The following NCMAP variants were observed in gnomAD, a reference collection of about 807,000 sequenced individuals.
NCMAP encodes non-compact myelin associated protein, also known as noncompact myelin-associated protein.
In NCMAP, 8 loss-of-function variants were observed where a neutral mutation model predicts 7.8. That is an observed-to-expected ratio of 1.02 (90% CI 0.60 to 1.84). NCMAP has a LOEUF of 1.84. Ranked by LOEUF, NCMAP falls within the 40% of genes most tolerant of loss-of-function variation. NCMAP has a pLI of 0.00. For missense variants in NCMAP, 112 were observed against 131.4 expected, an observed-to-expected ratio of 0.85 and a Z score of 0.72; for synonymous variants, 41 against 52.9, an observed-to-expected ratio of 0.78 and a Z score of 0.98.
chr1:24,569,803 T>C (rs939600583), intron 1 of NCMAP, among the ~76,000 whole-genome samples: 2 of 150,938 alleles, frequency 1.3e-5, no homozygotes, highest in South Asian at 2.1e-4. Context: ...TGGCACACAG[T>C]AAGTGCTCAT....
At chr1:24,585,052 T>C (rs1375173226) in intron 1 of NCMAP, among the ~76,000 whole-genome samples, 1 of 152,106 alleles carries the variant, frequency 6.6e-6, no homozygotes, top group Non-Finnish European at 1.5e-5. Flanking sequence ...TGTGCTCCCT[T>C]ATTTCTGGGA....
rs545062513 is a variant in NCMAP at position 24,597,124 on chromosome 1, G to A, written c.82+1612G>A. Among the ~76,000 whole-genome samples the A allele has an allele frequency of 4.9e-4, 74 of 152,306 alleles. 2 individuals are homozygous for A. In the South Asian group the frequency reaches 0.01, roughly 21 times the overall value. ...CAGACCTACAGAGGCCTGAGGAGGT[G>A]TGTCTCCAAACAGTCCTGAGGGAAA... On this transcript the variant is annotated intron_variant, in intron 2 of 3. Transcript: ENST00000374392.
chr1:24,597,521 G>C (rs1218646122), intron 2 of NCMAP, among the ~76,000 whole-genome samples: 1 of 27,386 alleles, frequency 3.7e-5, no homozygotes, highest in Non-Finnish European at 8.3e-5. Flanking sequence ...GAGAAGGAAG[G>C]GGGGGGGGGA....
At chr1:24,568,659 C>T (rs1223892118) in intron 1 of NCMAP, among the ~76,000 whole-genome samples, 1 of 152,210 alleles carries the variant, frequency 6.6e-6, no homozygotes, top group Non-Finnish European at 1.5e-5. Context: ...GATGAAGGCA[C>T]AGAGAGGTTA....
chr1:24,580,039 G>A (rs1468662327), intron 1 of NCMAP, among the ~76,000 whole-genome samples: 1 of 152,188 alleles, frequency 6.6e-6, no homozygotes, highest in Non-Finnish European at 1.5e-5. Flanking sequence ...CCTGAGTGGA[G>A]CTGAGATTCT....
At chr1:24,601,805 C>T (rs1311810591) in intron 3 of NCMAP, among the ~76,000 whole-genome samples, 1 of 152,056 alleles carries the variant, frequency 6.6e-6, no homozygotes, top group African/African-American at 2.4e-5. Context: ...CTTTGGGAGG[C>T]CAAGATGGGC....
intron 1 of NCMAP, among the ~76,000 whole-genome samples, chr1:24,589,269 C>T (rs923442023): frequency 6.6e-6 from 1 of 152,108 alleles, no homozygotes; most frequent in Non-Finnish European, 1.5e-5. Flanking sequence ...TTTCTATGGT[C>T]ATGGCCCCTG....
At chr1:24,591,799 G>A (rs2148934407) in intron 1 of NCMAP, among the ~76,000 whole-genome samples, 1 of 152,314 alleles carries the variant, frequency 6.6e-6, no homozygotes, top group East Asian at 1.9e-4. Flanking sequence ...GGGTTAGGCA[G>A]GGCCCCGGAT....
intron 2 of NCMAP, among the ~76,000 whole-genome samples, chr1:24,597,575 A>G (rs1008893140): frequency 8.5e-6 from 1 of 117,082 alleles, no homozygotes; most frequent in Non-Finnish European, 1.8e-5. Flanking sequence ...GTTCTCCTGT[A>G]AAAACAAAAG....
chr1:24,600,323 A>T (rs904334779), intron 2 of NCMAP, among the ~76,000 whole-genome samples: 7 of 146,516 alleles, frequency 4.8e-5, no homozygotes, highest in African/African-American at 1.5e-4. Flanking sequence ...GCTAATTTTT[A>T]ATTTTTTATT....
At chr1:24,575,301 T>A (rs1557595835) in intron 1 of NCMAP, among the ~76,000 whole-genome samples, 1 of 152,012 alleles carries the variant, frequency 6.6e-6, no homozygotes, top group Non-Finnish European at 1.5e-5. Context: ...TTCCCTCGGG[T>A]TGGAAAAAAA....
intron 1 of NCMAP, among the ~76,000 whole-genome samples, chr1:24,563,396 C>T (rs1651113218): frequency 6.6e-6 from 1 of 152,144 alleles, no homozygotes; most frequent in South Asian, 2.1e-4. Context: ...TGGTGCATGC[C>T]TGTAATCCCA....
chr1:24,560,296 C>A (rs1651015335), intron 1 of NCMAP, among the ~76,000 whole-genome samples: 1 of 152,132 alleles, frequency 6.6e-6, no homozygotes, highest in African/African-American at 2.4e-5. Flanking sequence ...TTGGTTCATT[C>A]ATTTGTTCAT....
At position 24,599,391 on chromosome 1, in the gene NCMAP, C is replaced by G. The variant is rs79068920; in HGVS notation, c.83-1549C>G. 2.9e-3 allele frequency among the ~76,000 whole-genome samples: 441 copies of G among 151,640 alleles called. 16 individuals are homozygous for G. In the East Asian group the frequency reaches 0.054, roughly 18 times the overall value. ...ACATTAAACTACAAGGACATCATCA[C>G]AGCCTTGTTTTTAATAGTGAAAAAC... On this transcript the variant is annotated intron_variant, in intron 2 of 3. Transcript: ENST00000374392.
chr1:24,564,513 C>CAAAAAAA lies in NCMAP; in HGVS notation c.-8+8357_-8+8363dup, dbSNP rs1184189345. ...TGGGCAACAGAGTGAGATTCTGTCT[C>CAAAAAAA]AAAAAAAAAAAAAAAAAAACAAAAA... On this transcript the variant is annotated intron_variant, in intron 1 of 3. Coordinates refer to ENST00000374392, the MANE Select transcript of NCMAP (RefSeq NM_001010980.5). 7.4e-4 allele frequency among the ~76,000 whole-genome samples: 37 copies of CAAAAAAA among 50,016 alleles called. 3 individuals carry two copies. Among genetic ancestry groups the CAAAAAAA allele is most frequent in the East Asian group, 3.7e-3 (7 of 1,894 alleles). 32.8% of individuals were successfully genotyped at this position (50,016 alleles called of 152,430 possible).
At chr1:24,574,514 C>T (rs1253227979) in intron 1 of NCMAP, among the ~76,000 whole-genome samples, 1 of 152,184 alleles carries the variant, frequency 6.6e-6, no homozygotes, top group Non-Finnish European at 1.5e-5. Flanking sequence ...CTTCAGCTTG[C>T]AGATAGCCTG....
chr1:24,569,183 G>A (rs957611164), intron 1 of NCMAP, among the ~76,000 whole-genome samples: 4 of 151,880 alleles, frequency 2.6e-5, no homozygotes, highest in East Asian at 1.9e-4. Flanking sequence ...TAGTAGAGAC[G>A]GGGTTTCACC....
At chr1:24,569,239 C>A (rs1377228205) in intron 1 of NCMAP, among the ~76,000 whole-genome samples, 1 of 152,078 alleles carries the variant, frequency 6.6e-6, no homozygotes, top group Non-Finnish European at 1.5e-5. Flanking sequence ...GGTGACCCAC[C>A]TGCCTCAGCC....
rs10699965 is a variant in NCMAP, at chr1:24,602,040, CAA to C, written c.167+1029_167+1030del. On this transcript the variant is annotated intron_variant, in intron 3 of 3. Coordinates refer to ENST00000374392, the MANE Select transcript of NCMAP (RefSeq NM_001010980.5). ...TGGGTGACGGAGCGAAACTCCGTCT[CAA>C]AAAAAAAAAAAATCATATATATATG... is the stretch of plus-strand genomic sequence containing the variant. 6.0e-4 allele frequency among the ~76,000 whole-genome samples: 81 copies of C among 133,928 alleles called. 1 individual carries two copies. In the South Asian group the frequency reaches 6.3e-3, roughly 10 times the overall value. The allele number at this position is 133,928 out of a possible 152,430, so 87.9% of individuals were successfully genotyped here. A position where few individuals can be genotyped will look rare whatever the true frequency, so the allele number is the denominator to read the frequency against.
Sources: allele counts gnomAD v4.1 joint callset (sites outside exome capture counted in the v4.1 genomes callset), GRCh38; gene constraint gnomAD v4.1.1; transcripts MANE v1.5; gene names NCBI Gene and HGNC (gene_info 2026-07-23, HGNC 2026-07-21).